The following NTMT1 variants were observed in gnomAD, a reference collection of about 807,000 sequenced individuals.
NTMT1 encodes N-terminal Xaa-Pro-Lys N-methyltransferase 1.
Under a neutral mutation model 17.5 loss-of-function variants are expected in NTMT1, and 8 were observed. The ratio of observed to expected loss-of-function variants is 0.46; its 90% confidence interval spans 0.27 to 0.82. The LOEUF (loss-of-function observed/expected upper bound fraction) is 0.82, where lower values mean the gene tolerates loss of function less well. Ranked by LOEUF, NTMT1 falls within the 40% of genes least tolerant of loss-of-function variation. The probability of loss-of-function intolerance (pLI) is 0.15; values close to 1 mark genes in which losing one functional copy is unlikely to be tolerated. For synonymous variants in NTMT1, 128 were observed against 126.8 expected (o/e 1.01, Z -0.06); for missense variants, 221 against 303.5 (o/e 0.73, Z 2.02).
intron 1 of NTMT1, among the ~76,000 whole-genome samples, chr9:129,617,557 C>T (rs1424732876): frequency 6.6e-6 from 1 of 152,234 alleles, no homozygotes; most frequent in African/African-American, 2.4e-5. Flanking sequence ...TTTGTCTCTG[C>T]TTTTGCTCAC....
chr9:129,613,283 G>T lies in NTMT1; in HGVS notation c.-55+4105G>T. On this transcript the variant is annotated intron_variant, in intron 1 of 3. Coordinates refer to the NTMT1 transcript ENST00000372486. The surrounding 1 kb of genome is among the most constrained non-coding windows in gnomAD (Gnocchi z 6.2). Reference sequence around the variant, plus strand: ...GAGACAGGACCCCATGAGCTTCCTGGACTCTGAGTCCCCGGCCCACCCATG... The same window carrying T: ...GAGACAGGACCCCATGAGCTTCCTGTACTCTGAGTCCCCGGCCCACCCATG... 6.3e-7 allele frequency: 1 copy of T among 1,579,824 alleles called. No individual in the cohort carries two copies. The highest frequency in any genetic ancestry group is 1.1e-5 in the South Asian group (1 of 87,000).
At chr9:129,615,056 C>G (rs1830287721) in intron 1 of NTMT1, among the ~76,000 whole-genome samples, 1 of 152,248 alleles carries the variant, frequency 6.6e-6, no homozygotes, top group South Asian at 2.1e-4. Context: ...TTCTGGGCAC[C>G]TCCTCAGGCA....
At position 129,620,445 on chromosome 9, in the gene NTMT1, G is replaced by A; in HGVS notation, c.-55+11267G>A. ...CAGTCCCCGGAGCCCCGCGCGCCCA[G>A]AGCCGCTCGGAGCGCGGGCGGGGTC... On this transcript the variant is annotated intron_variant, in intron 1 of 3. Transcript: ENST00000372486. The surrounding 1 kb of genome is among the most constrained non-coding windows in gnomAD (Gnocchi z 5.8). The A allele has an allele frequency of 1.5e-6, 2 of 1,308,312 alleles. No homozygotes were observed. The highest frequency in any genetic ancestry group is 4.1e-5 in the South Asian group (2 of 49,014). 81.0% of individuals were successfully genotyped at this position (1,308,312 alleles called of 1,614,324 possible). A position where few individuals can be genotyped will look rare whatever the true frequency, so the allele number is the denominator to read the frequency against.
intron 1 of NTMT1, among the ~76,000 whole-genome samples, chr9:129,626,857 A>G (rs79815432): frequency 0.18 from 27,784 of 152,174 alleles, 2,985 homozygotes; most frequent in East Asian, 0.29. Context: ...AAAAGCCCAG[A>G]CTTTGCTGCG....
Position 129,613,144 on chromosome 9 carries a change from A to C in NTMT1, c.-55+3966A>C, listed in dbSNP as rs1203527718. 6.2e-7 allele frequency: 1 copy of C among 1,613,844 alleles called. No homozygotes were observed. Among genetic ancestry groups the C allele is most frequent in the South Asian group, 1.1e-5 (1 of 91,080 alleles). ...TCTGTGCGGGTCCAAGAAGGCTCGG[A>C]GGCTGCTTCGCGGCCTCTGAGCAGC... On this transcript the variant is annotated intron_variant, in intron 1 of 3. Coordinates refer to the NTMT1 transcript ENST00000372486. The surrounding 1 kb of genome is among the most constrained non-coding windows in gnomAD (Gnocchi z 6.2).
At position 129,613,688 on chromosome 9, in the gene NTMT1, G is replaced by T; in HGVS notation, c.-55+4510G>T. ...TTCCTCCCTCTGGCAGGCAGGGCCG[G>T]TCAGAGCCCTGTCTCCATGGCAACC... is the stretch of plus-strand genomic sequence containing the variant. On this transcript the variant is annotated intron_variant, in intron 1 of 3. Coordinates refer to the NTMT1 transcript ENST00000372486. This position sits in a 1 kb window ranked among gnomAD's most constrained non-coding sequence, Gnocchi z 6.2. The T allele has an allele frequency of 6.6e-7, 1 of 1,516,068 alleles. No individual in the cohort carries two copies. Among genetic ancestry groups the T allele is most frequent in the Non-Finnish European group, 9.0e-7 (1 of 1,113,364 alleles). The allele number at this position is 1,516,068 out of a possible 1,614,324, so 93.9% of individuals were successfully genotyped here. A position where few individuals can be genotyped will look rare whatever the true frequency, so the allele number is the denominator to read the frequency against.
At chr9:129,633,075 G>A in intron 2 of NTMT1, 1 of 545,330 alleles carries the variant, frequency 1.8e-6, no homozygotes, top group East Asian at 3.0e-5. Context: ...CCAGACAGGA[G>A]CTGGCTGTTA....
chr9:129,615,351 T>A (rs1345553359), intron 1 of NTMT1: 5 of 988,764 alleles, frequency 5.1e-6, no homozygotes, highest in Non-Finnish European at 7.1e-6. Flanking sequence ...TTCAGGCACA[T>A]CCTCTGCAGG....
At chr9:129,628,567 T>C (rs946767497) in intron 1 of NTMT1, 7 of 152,234 alleles carry the variant, frequency 4.6e-5, no homozygotes, top group Non-Finnish European at 8.8e-5. Context: ...AAAATGGCTA[T>C]AGCTGCACAA....
chr9:129,621,112 G>C (rs763264997), intron 1 of NTMT1, among the ~76,000 whole-genome samples: 4 of 152,238 alleles, frequency 2.6e-5, no homozygotes, highest in Non-Finnish European at 4.4e-5. Flanking sequence ...AGAGCACTTA[G>C]CCTGCCTTGC....
intron 1 of NTMT1, among the ~76,000 whole-genome samples, chr9:129,610,230 G>GGA (rs1350828591): frequency 2.0e-5 from 1 of 49,206 alleles, no homozygotes; most frequent in Admixed American, 2.3e-4. Context: ...GGGAAAGGGG[G>GGA]AGGGAGAGGG....
rs761985581 is a variant in NTMT1 at position 129,634,175 on chromosome 9, A to T, written c.284A>T (p.Asp95Val). ...GTGGATATGGTCGACATAACGGAGG[A>T]CTTCCTGGTTCAAGCCAAGACCTAC... ...REVDMVDITE[D>V]FLVQAKTYLG... The change falls in exon 3 of 4, where the codon GAC (aspartate) becomes GTC (valine). Residue 95 changes from aspartate to valine, a missense_variant. Coordinates refer to ENST00000372483, the MANE Select transcript of NTMT1 (RefSeq NM_014064.4). The T allele has an allele frequency of 3.1e-6, 5 of 1,614,026 alleles. No individual in the cohort carries two copies. The South Asian group carries it at 4.4e-5, about 14-fold the overall frequency.
At chr9:129,623,823 C>CTTTTTTTTTT (rs746654555), upstream of NTMT1, among the ~76,000 whole-genome samples, 2 of 107,830 alleles carry the variant, frequency 1.9e-5, no homozygotes, top group Non-Finnish European at 3.6e-5. Context: ...TTTTTCTTTT[C>CTTTTTTTTTT]TTTTCTTTTT....
intron 1 of NTMT1, chr9:129,628,484 GCAGCCTT>G (rs1431994641): frequency 6.6e-6 from 1 of 152,252 alleles, no homozygotes; most frequent in Non-Finnish European, 1.5e-5. Flanking sequence ...ATTGTCGGTA[GCAGCCTT>G]CAGGCCTTCA....
At position 129,635,228 on chromosome 9, in the gene NTMT1, C is replaced by T; in HGVS notation, c.436C>T (p.Leu146=). 1 of 1,611,210 alleles carries T rather than the reference C, an allele frequency of 6.2e-7. No individual in the cohort carries two copies. The highest frequency in any genetic ancestry group is 8.5e-7 in the Non-Finnish European group (1 of 1,179,966). ...WVIGHLTDQH[L]AEFLRRCKGS... ...CCCAGGCCACCTCACCGATCAGCAC[C>T]TGGCCGAGTTCCTGCGGCGCTGCAA... is the stretch of plus-strand genomic sequence containing the variant. The change falls in exon 4 of 4, where the codon CTG becomes TTG. Residue 146 remains leucine, a synonymous_variant. Transcript: ENST00000372483.
At position 129,620,008 on chromosome 9, in the gene NTMT1, G is replaced by A. The variant is rs1329052691; in HGVS notation, c.-55+10830G>A. 4 of 1,466,102 alleles carry A rather than the reference G, an allele frequency of 2.7e-6. No homozygotes were observed. The African/African-American group carries it at 5.7e-5, about 21-fold the overall frequency. The allele number at this position is 1,466,102 out of a possible 1,614,324, so 90.8% of individuals were successfully genotyped here. A position where few individuals can be genotyped will look rare whatever the true frequency, so the allele number is the denominator to read the frequency against. On this transcript the variant is annotated intron_variant, in intron 1 of 3. Transcript: ENST00000372486. This position sits in a 1 kb window ranked among gnomAD's most constrained non-coding sequence, Gnocchi z 5.8. Reference sequence around the variant, plus strand: ...TGGGGTGGTGGGTGCGGGGACACAAGGGACCACCCCCCACCGGAAATGACT... The same window carrying A: ...TGGGGTGGTGGGTGCGGGGACACAAAGGACCACCCCCCACCGGAAATGACT...
chr9:129,613,547 C>G lies in NTMT1; in HGVS notation c.-55+4369C>G, dbSNP rs547056212. 4 of 1,614,140 alleles carry G rather than the reference C, an allele frequency of 2.5e-6. No individual in the cohort carries two copies. Among genetic ancestry groups the G allele is most frequent in the Middle Eastern group, 3.3e-4 (2 of 6,062 alleles). On this transcript the variant is annotated intron_variant, in intron 1 of 3. Coordinates refer to the NTMT1 transcript ENST00000372486. The surrounding 1 kb of genome is among the most constrained non-coding windows in gnomAD (Gnocchi z 6.2). Reference sequence around the variant, plus strand: ...TTTCCGACACTCCCAAACACCCGCTCGGACGCCACTGGCAGGGCGGCCTTC... The same window carrying G: ...TTTCCGACACTCCCAAACACCCGCTGGGACGCCACTGGCAGGGCGGCCTTC...
intron 1 of NTMT1, among the ~76,000 whole-genome samples, chr9:129,615,264 G>A (rs919103355): frequency 2.0e-5 from 3 of 152,194 alleles, no homozygotes; most frequent in African/African-American, 4.8e-5. Context: ...TGCTGCCTGC[G>A]TTGGAACACC....
intron 1 of NTMT1, among the ~76,000 whole-genome samples, chr9:129,618,716 G>T (rs914725661): frequency 1.3e-4 from 20 of 151,498 alleles, no homozygotes; most frequent in Admixed American, 1.1e-3. Context: ...TATTTGAGAT[G>T]GAGTCTCACT....
Sources: gnomAD v4.1 joint callset for allele counts (sites outside exome capture counted in the v4.1 genomes callset) on GRCh38, gnomAD v4.1.1 for gene constraint, Gnocchi (gnomAD v3.1) non-coding constraint, MANE v1.5 for transcripts, NCBI Gene and HGNC (gene_info 2026-07-23, HGNC 2026-07-21) for gene names.